The following SGMS1 variants were observed in gnomAD, a reference collection of about 807,000 sequenced individuals.
SGMS1 encodes the protein sphingomyelin synthase 1.
Under a neutral mutation model 46.2 loss-of-function variants are expected in SGMS1, and 13 were observed. That is an observed-to-expected ratio of 0.28 (90% CI 0.18 to 0.45). The LOEUF (loss-of-function observed/expected upper bound fraction) is 0.45. Among genes scored for constraint, SGMS1 ranks in the 20% least tolerant of loss-of-function variants. The probability of loss-of-function intolerance (pLI) is 1.00; values close to 1 mark genes in which losing one functional copy is unlikely to be tolerated. For synonymous variants in SGMS1, 203 were observed against 187.8 expected, an observed-to-expected ratio of 1.08 and a Z score of -0.66; for missense variants, 324 against 519.9, an observed-to-expected ratio of 0.62 and a Z score of 3.66.
intron 2 of SGMS1, among the ~76,000 whole-genome samples, chr10:50,537,040 T>C (rs1838007987): frequency 6.6e-6 from 1 of 152,184 alleles, no homozygotes; most frequent in Non-Finnish European, 1.5e-5. Context: ...TCCCCAGGCC[T>C]TCCAGGGAAA....
chr10:50,454,956 T>C (rs1252996989), intron 5 of SGMS1, among the ~76,000 whole-genome samples: 1 of 152,208 alleles, frequency 6.6e-6, no homozygotes, highest in African/African-American at 2.4e-5. Context: ...ATTTTCTTTT[T>C]AGCATATTTG....
At chr10:50,447,757 A>T (rs1456166954) in intron 5 of SGMS1, among the ~76,000 whole-genome samples, 1 of 152,214 alleles carries the variant, frequency 6.6e-6, no homozygotes, top group Non-Finnish European at 1.5e-5. Flanking sequence ...TTTTGTGGTA[A>T]GAATACTTCA....
intron 2 of SGMS1, among the ~76,000 whole-genome samples, chr10:50,535,725 G>C (rs10826159): frequency 6.6e-6 from 1 of 151,948 alleles, no homozygotes; most frequent in Non-Finnish European, 1.5e-5. Flanking sequence ...ACAGGATCTA[G>C]GTGTTAAGAT....
intron 3 of SGMS1, among the ~76,000 whole-genome samples, chr10:50,516,237 G>A (rs950648312): frequency 3.9e-5 from 6 of 152,156 alleles, no homozygotes; most frequent in Non-Finnish European, 2.9e-5. Flanking sequence ...AAAGCCCAAG[G>A]CAACTTAGCA....
intron 6 of SGMS1, among the ~76,000 whole-genome samples, chr10:50,347,716 C>G (rs955822567): frequency 6.6e-6 from 1 of 152,102 alleles, no homozygotes; most frequent in African/African-American, 2.4e-5. Flanking sequence ...TTCCCCCTTG[C>G]CCAGCACAGG....
chr10:50,534,756 TA>T (rs1186419106), intron 2 of SGMS1, among the ~76,000 whole-genome samples: 1 of 152,168 alleles, frequency 6.6e-6, no homozygotes, highest in Non-Finnish European at 1.5e-5. Flanking sequence ...AAAATAGTCT[TA>T]AAAATATAAA....
intron 6 of SGMS1, among the ~76,000 whole-genome samples, chr10:50,372,572 T>C (rs1386281330): frequency 6.6e-6 from 1 of 152,048 alleles, no homozygotes; most frequent in Non-Finnish European, 1.5e-5. Context: ...CAGACGCCTG[T>C]AGTCCCAGCT....
At chr10:50,348,020 C>T (rs1431655870) in intron 6 of SGMS1, among the ~76,000 whole-genome samples, 3 of 152,114 alleles carry the variant, frequency 2.0e-5, no homozygotes, top group African/African-American at 2.4e-5. Flanking sequence ...TAACGCTTTC[C>T]CTCCCCTTTC....
chr10:50,447,809 T>C (rs901390938), intron 5 of SGMS1, among the ~76,000 whole-genome samples: 5 of 152,320 alleles, frequency 3.3e-5, no homozygotes, highest in Non-Finnish European at 7.4e-5. Flanking sequence ...AATACATGGT[T>C]ATTTACTGGA....
chr10:50,555,421 G>A (rs1838182159), intron 2 of SGMS1, among the ~76,000 whole-genome samples: 1 of 152,184 alleles, frequency 6.6e-6, no homozygotes, highest in African/African-American at 2.4e-5. Flanking sequence ...AAACAGGGCA[G>A]GACCTGGCTC....
At chr10:50,345,414 G>A (rs74583258) in intron 6 of SGMS1, among the ~76,000 whole-genome samples, 4,236 of 152,214 alleles carry the variant, frequency 0.028, 205 homozygotes, top group African/African-American at 0.097. Context: ...AGAGTTACAA[G>A]TTAAGTTTCT....
At chr10:50,529,140 A>C (rs1837930292) in intron 2 of SGMS1, among the ~76,000 whole-genome samples, 1 of 152,232 alleles carries the variant, frequency 6.6e-6, no homozygotes, top group Non-Finnish European at 1.5e-5. Context: ...AGATAAAGCC[A>C]AAGATCCATT....
intron 2 of SGMS1, among the ~76,000 whole-genome samples, chr10:50,534,122 A>G (rs1318069511): frequency 6.6e-6 from 1 of 151,416 alleles, no homozygotes; most frequent in Non-Finnish European, 1.5e-5. Context: ...GTATTTACCT[A>G]TCTGCACACA....
intron 2 of SGMS1, among the ~76,000 whole-genome samples, chr10:50,522,095 C>A (rs1047989185): frequency 1.8e-4 from 27 of 152,144 alleles, no homozygotes; most frequent in Non-Finnish European, 3.5e-4. Context: ...TATTACCATT[C>A]ATTACTCAGC....
At chr10:50,441,943 G>T (rs115807802) in intron 5 of SGMS1, among the ~76,000 whole-genome samples, 1 of 152,286 alleles carries the variant, frequency 6.6e-6, no homozygotes, top group African/African-American at 2.4e-5. Context: ...GAATAAAAAT[G>T]TCACTAATCT....
chr10:50,539,247 T>G (rs1337794842), intron 2 of SGMS1, among the ~76,000 whole-genome samples: 2 of 152,224 alleles, frequency 1.3e-5, no homozygotes, highest in South Asian at 2.1e-4. Flanking sequence ...TCAGCTGTGG[T>G]CAAAGGGCCA....
intron 1 of SGMS1, among the ~76,000 whole-genome samples, chr10:50,601,935 A>AGTTTTGACTGT (rs1259326504): frequency 8.8e-4 from 134 of 152,332 alleles, no homozygotes; most frequent in African/African-American, 3.1e-3. Context: ...CATGCAACAA[A>AGTTTTGACTGT]GTTTTGACTG....
At chr10:50,537,006 G>C (rs897932534) in intron 2 of SGMS1, among the ~76,000 whole-genome samples, 2 of 152,110 alleles carry the variant, frequency 1.3e-5, no homozygotes, top group African/African-American at 4.8e-5. Context: ...GAGACAAAGG[G>C]TTGACACATT....
At chr10:50,566,141 G>T (rs1176560098) in intron 2 of SGMS1, among the ~76,000 whole-genome samples, 1 of 152,212 alleles carries the variant, frequency 6.6e-6, no homozygotes, top group African/African-American at 2.4e-5. Context: ...GGAAAGTTTT[G>T]ACAACCTTTG....
Sources: allele counts gnomAD v4.1 joint callset (sites outside exome capture counted in the v4.1 genomes callset), GRCh38; gene constraint gnomAD v4.1.1; transcripts MANE v1.5; gene names NCBI Gene and HGNC (gene_info 2026-07-23, HGNC 2026-07-21).